The following TWSG1 variants were observed in gnomAD, a reference collection of about 807,000 sequenced individuals.
The protein encoded by TWSG1 is twisted gastrulation BMP signaling modulator 1.
TWSG1 carries 15 observed loss-of-function variants against 23.0 expected under a neutral mutation model. The observed-to-expected ratio is 0.65, with a 90% CI of 0.44 to 1.00. The LOEUF (loss-of-function observed/expected upper bound fraction) is 1.00, where lower values mean the gene tolerates loss of function less well. Ranked by LOEUF, TWSG1 falls within the 50% of genes least tolerant of loss-of-function variation. The pLI is 0.00. For synonymous variants in TWSG1, 86 were observed against 92.8 expected, an observed-to-expected ratio of 0.93 and a Z score of 0.42; for missense variants, 242 against 278.7, an observed-to-expected ratio of 0.87 and a Z score of 0.94.
chr18:9,390,257 G>T (rs2040706456), intron 3 of TWSG1, among the ~76,000 whole-genome samples: 2 of 152,016 alleles, frequency 1.3e-5, no homozygotes. Flanking sequence ...GCCCCTCCAG[G>T]TTCACGCCAT....
At chr18:9,383,848 A>T (rs1233930490) in intron 3 of TWSG1, among the ~76,000 whole-genome samples, 1 of 152,194 alleles carries the variant, frequency 6.6e-6, no homozygotes, top group African/African-American at 2.4e-5. Flanking sequence ...AATTGTCAAG[A>T]ATGACAGTGG....
intron 3 of TWSG1, among the ~76,000 whole-genome samples, chr18:9,371,986 C>G (rs1478264994): frequency 6.6e-6 from 1 of 151,730 alleles, no homozygotes; most frequent in Non-Finnish European, 1.5e-5. Context: ...AGACTGGTCT[C>G]GAACTCCTGA....
chr18:9,383,413 C>T (rs1416305655), intron 3 of TWSG1, among the ~76,000 whole-genome samples: 1 of 152,024 alleles, frequency 6.6e-6, no homozygotes, highest in African/African-American at 2.4e-5. Flanking sequence ...AGGCTGGTCT[C>T]GAACTCCTGA....
intron 3 of TWSG1, among the ~76,000 whole-genome samples, chr18:9,387,594 ATC>A: frequency 7.0e-6 from 1 of 142,528 alleles, no homozygotes; most frequent in Non-Finnish European, 1.5e-5. Flanking sequence ...GCAAAACTTC[ATC>A]TCTACTAAAA....
In TWSG1 at chr18:9,400,667, AATC is replaced by A. The variant is rs2040758948; in HGVS notation, c.*1143_*1145del. The A allele has an allele frequency of 6.6e-6, 1 of 152,232 alleles. No individual in the cohort carries two copies. Among genetic ancestry groups the A allele is most frequent in the Non-Finnish European group, 1.5e-5 (1 of 68,040 alleles). The allele number at this position is 152,232 out of a possible 1,614,324, so 9.4% of individuals were successfully genotyped here. A position where few individuals can be genotyped will look rare whatever the true frequency, so the allele number is the denominator to read the frequency against. On this transcript the variant is annotated 3_prime_UTR_variant, in exon 5 of 5. Transcript: ENST00000262120. ...TATAATGTTCTTTTTAAACAAGTATAATCATATCGTCGGAGGTTAAGATTATGA... is the reference window on the plus strand; with the variant it reads ...TATAATGTTCTTTTTAAACAAGTATAATATCGTCGGAGGTTAAGATTATGA...
At chr18:9,382,247 G>A (rs1052756058) in intron 3 of TWSG1, among the ~76,000 whole-genome samples, 5 of 152,136 alleles carry the variant, frequency 3.3e-5, no homozygotes, top group African/African-American at 1.2e-4. Flanking sequence ...ATGGTGGCTG[G>A]GAGTGGTGGC....
chr18:9,398,631 T>A (rs1383385592), intron 4 of TWSG1, among the ~76,000 whole-genome samples: 3 of 151,954 alleles, frequency 2.0e-5, no homozygotes, highest in South Asian at 4.2e-4. Context: ...TTAATTTTTT[T>A]AATTTTTAGT....
intron 3 of TWSG1, among the ~76,000 whole-genome samples, chr18:9,395,575 T>TATTG (rs948560205): frequency 9.2e-5 from 14 of 152,102 alleles, no homozygotes; most frequent in Admixed American, 5.9e-4. Context: ...AATCCATGTT[T>TATTG]ATTGATTGAT....
chr18:9,382,229 G>A (rs1196248597), intron 3 of TWSG1, among the ~76,000 whole-genome samples: 5 of 152,058 alleles, frequency 3.3e-5, no homozygotes, highest in African/African-American at 1.2e-4. Flanking sequence ...TGGGCGAGGA[G>A]GCTGGGCATG....
At chr18:9,389,776 A>G (rs2040703102) in intron 3 of TWSG1, among the ~76,000 whole-genome samples, 1 of 152,250 alleles carries the variant, frequency 6.6e-6, no homozygotes, top group African/African-American at 2.4e-5. Context: ...CTTACACCTA[A>G]TAGATGCGAA....
At chr18:9,367,134 G>A (rs1288301154) in intron 3 of TWSG1, among the ~76,000 whole-genome samples, 1 of 152,030 alleles carries the variant, frequency 6.6e-6, no homozygotes. Flanking sequence ...GTCTCAATGT[G>A]TTATCCAGAC....
In TWSG1 at chr18:9,396,585, C is replaced by T. The variant is rs368300215; in HGVS notation, c.490+39C>T. On this transcript the variant is annotated intron_variant, in intron 4 of 4. Transcript: ENST00000262120. ...GTTGACTTTTTCCATTCCGCCCCCT[C>T]ATGTGGTCTGTCCATGTAATCTATA... The T allele has an allele frequency of 1.1e-4, 182 of 1,594,650 alleles. No individual in the cohort carries two copies. In the Middle Eastern group the frequency reaches 2.0e-3, roughly 17 times the overall value.
chr18:9,374,533 T>C (rs2040620119), intron 3 of TWSG1, among the ~76,000 whole-genome samples: 1 of 152,186 alleles, frequency 6.6e-6, no homozygotes, highest in African/African-American at 2.4e-5. Flanking sequence ...TTGAATCAAT[T>C]GCTCATAACC....
intron 3 of TWSG1, among the ~76,000 whole-genome samples, chr18:9,381,509 T>A (rs2040656043): frequency 1.3e-5 from 2 of 152,236 alleles, no homozygotes; most frequent in African/African-American, 2.4e-5. Flanking sequence ...TAATTTTGCA[T>A]ATCTAGGTAG....
At chr18:9,377,911 G>T (rs1440357501) in intron 3 of TWSG1, among the ~76,000 whole-genome samples, 2 of 152,108 alleles carry the variant, frequency 1.3e-5, no homozygotes, top group East Asian at 1.9e-4. Flanking sequence ...TAGAGATGGG[G>T]TTTTGCCATG....
intron 3 of TWSG1, among the ~76,000 whole-genome samples, chr18:9,378,242 A>G (rs1186702117): frequency 2.0e-5 from 3 of 152,202 alleles, no homozygotes; most frequent in Admixed American, 6.5e-5. Context: ...CCTATTCAAT[A>G]TAGTATTGGA....
chr18:9,336,389 C>G (rs1031626948), intron 1 of TWSG1, among the ~76,000 whole-genome samples: 1 of 146,450 alleles, frequency 6.8e-6, no homozygotes, highest in Non-Finnish European at 1.5e-5. Flanking sequence ...GAGACAACGT[C>G]TAAAAGAAAA....
chr18:9,360,339 T>A (rs1007863584), intron 3 of TWSG1, among the ~76,000 whole-genome samples: 1 of 152,156 alleles, frequency 6.6e-6, no homozygotes, highest in African/African-American at 2.4e-5. Flanking sequence ...TTTTGTACTG[T>A]TGAATTTTTT....
At chr18:9,342,927 G>A (rs1392192585) in intron 2 of TWSG1, among the ~76,000 whole-genome samples, 1 of 152,068 alleles carries the variant, frequency 6.6e-6, no homozygotes, top group Non-Finnish European at 1.5e-5. Flanking sequence ...AGAATTCTAT[G>A]TTAAATTCTT....
Sources: gnomAD v4.1 joint callset for allele counts (sites outside exome capture counted in the v4.1 genomes callset) on GRCh38, gnomAD v4.1.1 for gene constraint, MANE v1.5 for transcripts, NCBI Gene and HGNC (gene_info 2026-07-23, HGNC 2026-07-21) for gene names.